DIABLO: variants seen among roughly 807,000 people sequenced by gnomAD.
DIABLO encodes the protein diablo IAP-binding mitochondrial protein.
A neutral mutation model predicts 31.7 loss-of-function variants in DIABLO; 32 were observed. The observed-to-expected ratio is 1.01, with a 90% CI of 0.76 to 1.35. DIABLO has a LOEUF of 1.35. DIABLO is among the 40% of genes most tolerant of loss of function. The probability of loss-of-function intolerance (pLI) is 0.00; values close to 1 mark genes in which losing one functional copy is unlikely to be tolerated. For missense variants in DIABLO, 316 were observed against 286.4 expected, an observed-to-expected ratio of 1.10 and a Z score of -0.75; for synonymous variants, 132 against 103.2, an observed-to-expected ratio of 1.28 and a Z score of -1.69.
intron 5 of DIABLO, among the ~76,000 whole-genome samples, chr12:122,214,801 C>T (rs575283629): frequency 6.6e-6 from 1 of 152,222 alleles, no homozygotes. Context: ...CTGCAGCCTC[C>T]ACCCCCTGGG....
At chr12:122,226,683 C>A, upstream of DIABLO, 1 of 613,348 alleles carries the variant, frequency 1.6e-6, no homozygotes, top group Non-Finnish European at 2.9e-6. Context: ...GCCAGGAAGC[C>A]CACAGTGCCG....
In DIABLO at chr12:122,207,893, G is replaced by A. The variant is rs1953962908; in HGVS notation, c.*488C>T. The A allele has an allele frequency of 2.2e-6, 1 of 460,216 alleles. No individual in the cohort carries two copies. Among genetic ancestry groups the A allele is most frequent in the African/African-American group, 2.0e-5 (1 of 50,256 alleles). 28.5% of individuals were successfully genotyped at this position (460,216 alleles called of 1,614,324 possible). A position where few individuals can be genotyped will look rare whatever the true frequency, so the allele number is the denominator to read the frequency against. ...CAGCTGTCCTCACAGGACAGTGGGG[G>A]CAGATCAGAGAACACATCAGAAATA... On this transcript the variant is annotated 3_prime_UTR_variant, in exon 6 of 6. Coordinates refer to ENST00000464942, the MANE Select transcript of DIABLO (RefSeq NM_001371333.1).
chr12:122,208,720 A>C (rs1434555348), intron 5 of DIABLO, 143 bp from the exon 6 acceptor site: 6 of 805,956 alleles, frequency 7.4e-6, no homozygotes, highest in African/African-American at 1.7e-5. Flanking sequence ...CTCTCTCTGC[A>C]AAGAAACTTC....
chr12:122,213,294 C>T (rs145098664), intron 5 of DIABLO, among the ~76,000 whole-genome samples: 4 of 151,670 alleles, frequency 2.6e-5, no homozygotes, highest in Non-Finnish European at 5.9e-5. Flanking sequence ...GTTTGAGAGG[C>T]CAAGGCGGGT....
At chr12:122,218,241 G>C in intron 3 of DIABLO, 25 bp downstream of exon 3, 1 of 1,613,648 alleles carries the variant, frequency 6.2e-7, no homozygotes, top group Non-Finnish European at 8.5e-7. Context: ...TGGTTTAGAA[G>C]ATCAAGAGTT....
At position 122,224,649 on chromosome 12, in the gene DIABLO, AAGT is replaced by A. The variant is rs1322675555; in HGVS notation, c.51-8_51-6del. On this transcript the variant is annotated splice_polypyrimidine_tract_variant and splice_region_variant and intron_variant, in intron 1 of 5. Transcript: ENST00000464942. The stretch of plus-strand genomic sequence containing the variant: ...ACACACAAACACTGTCTGTACCTGG[AAGT>A]AGAAGTCAGATTTCATAAGGCACGA... 8 of 1,614,062 alleles carry A rather than the reference AAGT, an allele frequency of 5.0e-6. No homozygotes were observed. The highest frequency in any genetic ancestry group is 5.9e-6 in the Non-Finnish European group (7 of 1,180,046).
chr12:122,224,856 C>A (rs990031918), intron 1 of DIABLO: 2 of 1,478,590 alleles, frequency 1.4e-6, no homozygotes, highest in Non-Finnish European at 1.8e-6. Context: ...GTAATCCTAG[C>A]ACTTGGAAGG....
chr12:122,225,320 C>A, intron 1 of DIABLO: 1 of 825,956 alleles, frequency 1.2e-6, no homozygotes, highest in Non-Finnish European at 1.5e-6. Context: ...CCGGGAGGCA[C>A]AGGTTGCAGT....
Position 122,208,339 on chromosome 12 carries a change from T to A in DIABLO, c.*42A>T. 1.2e-6 allele frequency: 2 copies of A among 1,607,570 alleles called. No homozygotes were observed. The highest frequency in any genetic ancestry group is 1.7e-6 in the Non-Finnish European group (2 of 1,178,724). On this transcript the variant is annotated 3_prime_UTR_variant, in exon 6 of 6. Transcript: ENST00000464942. The stretch of plus-strand genomic sequence containing the variant: ...TGGGCAGGGTGGCATCTGCCCCTGC[T>A]TTCCCCACTGAGTGGGGAGACAGGG...
chr12:122,208,303 C>T lies in DIABLO; in HGVS notation c.*78G>A, dbSNP rs559000145. The stretch of plus-strand genomic sequence containing the variant: ...CGCCTCTTCTCGGTGCACAGACAGT[C>T]ATGCCAACCCTGGGCAGGGTGGCAT... On this transcript the variant is annotated 3_prime_UTR_variant, in exon 6 of 6. Coordinates refer to ENST00000464942, the MANE Select transcript of DIABLO (RefSeq NM_001371333.1). The T allele has an allele frequency of 1.2e-3, 1,787 of 1,546,770 alleles. 2 individuals are homozygous for T. Among genetic ancestry groups the T allele is most frequent in the Non-Finnish European group, 1.5e-3 (1,640 of 1,129,538 alleles).
chr12:122,225,513 C>T, intron 1 of DIABLO: 2 of 1,057,088 alleles, frequency 1.9e-6, no homozygotes, highest in Non-Finnish European at 2.3e-6. Context: ...TGTGACGGTC[C>T]CGCTACAATC....
chr12:122,215,861 A>AC (rs1462984225), intron 5 of DIABLO, among the ~76,000 whole-genome samples: 12 of 145,506 alleles, frequency 8.2e-5, no homozygotes, highest in Admixed American at 2.1e-4. Flanking sequence ...ACATTGTAAA[A>AC]CCCCATCTCT....
At chr12:122,208,709 T>C (rs1270484904) in intron 5 of DIABLO, 132 bp from the exon 6 acceptor site, 8 of 857,886 alleles carry the variant, frequency 9.3e-6, no homozygotes, top group African/African-American at 1.7e-5. Context: ...CTCCCTGTCT[T>C]CTCTCTCTGC....
intron 1 of DIABLO, chr12:122,225,477 G>A (rs1211403149): frequency 9.8e-6 from 10 of 1,019,546 alleles, no homozygotes; most frequent in Non-Finnish European, 1.2e-5. Context: ...TTTAGCTCTG[G>A]ACCCCTGGCC....
Position 122,208,170 on chromosome 12 carries a change from G to C in DIABLO, c.*211C>G. Reference sequence around the variant, plus strand: ...CAGAGTGGGGTGAAATGTTAAACAGGGTGCAGTGCCCAAGGGCTAAGAACC... The same window carrying C: ...CAGAGTGGGGTGAAATGTTAAACAGCGTGCAGTGCCCAAGGGCTAAGAACC... On this transcript the variant is annotated 3_prime_UTR_variant, in exon 6 of 6. Transcript: ENST00000464942. 1 of 704,316 alleles carries C rather than the reference G, an allele frequency of 1.4e-6. No individual in the cohort carries two copies. Among genetic ancestry groups the C allele is most frequent in the East Asian group, 2.7e-5 (1 of 36,946 alleles). 43.6% of individuals were successfully genotyped at this position (704,316 alleles called of 1,614,324 possible).
chr12:122,212,118 G>A (rs1464339283), intron 5 of DIABLO, among the ~76,000 whole-genome samples: 6 of 151,602 alleles, frequency 4.0e-5, no homozygotes. Flanking sequence ...TCATAGGTGT[G>A]AACTACTGCA....
intron 1 of DIABLO, chr12:122,225,694 G>C (rs1434859713): frequency 2.9e-6 from 4 of 1,402,240 alleles, no homozygotes; most frequent in Non-Finnish European, 3.7e-6. Flanking sequence ...ACGAGGGCTG[G>C]TCAGGAGGCG....
chr12:122,210,982 A>C (rs1954073721), intron 5 of DIABLO, among the ~76,000 whole-genome samples: 1 of 149,438 alleles, frequency 6.7e-6, no homozygotes, highest in Non-Finnish European at 1.5e-5. Flanking sequence ...TTGAGACTAC[A>C]GCAAGCTATG....
rs528672572 is a variant in DIABLO at position 122,207,945 on chromosome 12, C to T, written c.*436G>A. ...ATACAAAGAAATCGTACAAACTGGA[C>T]AGGTTCCCCTCCCCCTGCCACAACT... On this transcript the variant is annotated 3_prime_UTR_variant, in exon 6 of 6. Coordinates refer to ENST00000464942, the MANE Select transcript of DIABLO (RefSeq NM_001371333.1). 4 of 463,976 alleles carry T rather than the reference C, an allele frequency of 8.6e-6. No homozygotes were observed. Among genetic ancestry groups the T allele is most frequent in the African/African-American group, 7.9e-5 (4 of 50,548 alleles). 28.7% of individuals were successfully genotyped at this position (463,976 alleles called of 1,614,324 possible).
Sources: allele counts gnomAD v4.1 joint callset (sites outside exome capture counted in the v4.1 genomes callset), GRCh38; gene constraint gnomAD v4.1.1; transcripts MANE v1.5; gene names NCBI Gene and HGNC (gene_info 2026-07-23, HGNC 2026-07-21).